The following DGKB variants were observed in gnomAD, a reference collection of about 807,000 sequenced individuals.
DGKB encodes the protein diacylglycerol kinase beta, also known as 90 kDa diacylglycerol kinase.
Under a neutral mutation model 114.3 loss-of-function variants are expected in DGKB, and 67 were observed. That is an observed-to-expected ratio of 0.59 (90% CI 0.48 to 0.72). The LOEUF (loss-of-function observed/expected upper bound fraction) is 0.72. Among genes scored for constraint, DGKB ranks in the 30% least tolerant of loss-of-function variants. The pLI is 0.00. For synonymous variants in DGKB, 398 were observed against 323.1 expected, an observed-to-expected ratio of 1.23 and a Z score of -2.49; for missense variants, 907 against 975.2, an observed-to-expected ratio of 0.93 and a Z score of 0.93.
At chr7:14,810,516 T>G (rs995884433) in intron 2 of DGKB, among the ~76,000 whole-genome samples, 2 of 152,232 alleles carry the variant, frequency 1.3e-5, no homozygotes, top group African/African-American at 4.8e-5. Context: ...TTTATTTTAT[T>G]CAATATACCC....
At chr7:14,549,558 T>C (rs752206070) in intron 20 of DGKB, among the ~76,000 whole-genome samples, 24 of 152,214 alleles carry the variant, frequency 1.6e-4, no homozygotes, top group Non-Finnish European at 1.3e-4. Context: ...TCAGAAATTC[T>C]GGTTCAGTAT....
chr7:14,734,020 CGTGT>C (rs71004332), intron 5 of DGKB, among the ~76,000 whole-genome samples: 94 of 148,266 alleles, frequency 6.3e-4, no homozygotes, highest in Admixed American at 1.8e-3. Flanking sequence ...TATACCAACA[CGTGT>C]GTGTGTGTGT....
intron 23 of DGKB, among the ~76,000 whole-genome samples, chr7:14,243,164 G>C (rs1793938403): frequency 6.6e-6 from 1 of 152,098 alleles, no homozygotes; most frequent in Admixed American, 6.6e-5. Flanking sequence ...AAAAAAAATA[G>C]AAAAGGGGAG....
In DGKB at chr7:14,628,985, T is replaced by G. The variant is rs897763679; in HGVS notation, c.1167+1251A>C. 3.3e-5 allele frequency among the ~76,000 whole-genome samples: 5 copies of G among 152,192 alleles called. No individual in the cohort carries two copies. In the East Asian group the frequency reaches 7.7e-4, roughly 24 times the overall value. Reference sequence around the variant, plus strand: ...CAAAAATTTGGATCTATTTACTCAATCTATATGACACAAATTATATAACTG... The same window carrying G: ...CAAAAATTTGGATCTATTTACTCAAGCTATATGACACAAATTATATAACTG... On this transcript the variant is annotated intron_variant, in intron 14 of 25. Coordinates refer to ENST00000402815, the MANE Select transcript of DGKB (RefSeq NM_001350709.2).
At chr7:14,210,432 G>A (rs1419078489) in intron 23 of DGKB, among the ~76,000 whole-genome samples, 3 of 152,088 alleles carry the variant, frequency 2.0e-5, no homozygotes, top group African/African-American at 7.2e-5. Context: ...ACATATCCAT[G>A]TGCACAATCT....
rs1384993684 is a variant in DGKB, at chr7:14,897,952, C to T, written c.-188+4640G>A. Among the ~76,000 whole-genome samples the T allele has an allele frequency of 5.3e-5, 8 of 151,948 alleles. No homozygotes were observed. In the East Asian group the frequency reaches 1.5e-3, roughly 29 times the overall value. ...TATTAAGCTCCAATATTATATTAGA[C>T]ACTGTGTTAAGCACTAAACTTCCAA... On this transcript the variant is annotated intron_variant, in intron 1 of 25. Transcript: ENST00000402815.
chr7:14,311,493 C>T (rs1402803058), intron 23 of DGKB, among the ~76,000 whole-genome samples: 1 of 152,072 alleles, frequency 6.6e-6, no homozygotes, highest in Non-Finnish European at 1.5e-5. Context: ...ATGTTCATGG[C>T]CCACTGCAGC....
chr7:14,710,505 A>G (rs1827183611), intron 6 of DGKB, among the ~76,000 whole-genome samples: 1 of 152,124 alleles, frequency 6.6e-6, no homozygotes, highest in Admixed American at 6.6e-5. Flanking sequence ...CCTTATTGCC[A>G]TGAGCAATGA....
intron 13 of DGKB, among the ~76,000 whole-genome samples, chr7:14,635,748 T>C (rs528256276): frequency 1.3e-5 from 2 of 151,568 alleles, no homozygotes; most frequent in South Asian, 4.1e-4. Context: ...AGTTGGTAAC[T>C]TGAAAAAATC....
chr7:14,359,243 G>A (rs527646037), intron 21 of DGKB, among the ~76,000 whole-genome samples: 7 of 152,210 alleles, frequency 4.6e-5, no homozygotes, highest in East Asian at 3.9e-4. Flanking sequence ...AATAAACGGC[G>A]CTGGGAAAAC....
At chr7:14,763,785 C>A (rs868148298) in intron 2 of DGKB, among the ~76,000 whole-genome samples, 4 of 151,976 alleles carry the variant, frequency 2.6e-5, no homozygotes, top group Non-Finnish European at 2.9e-5. Flanking sequence ...AAGCTAAGAC[C>A]CAACTTACAA....
chr7:14,207,270 G>A (rs1390600348), intron 23 of DGKB, among the ~76,000 whole-genome samples: 1 of 152,076 alleles, frequency 6.6e-6, no homozygotes, highest in Non-Finnish European at 1.5e-5. Context: ...GAGTCATCGT[G>A]TGTGGGATCT....
intron 21 of DGKB, among the ~76,000 whole-genome samples, chr7:14,357,750 G>A (rs867540304): frequency 1.3e-4 from 20 of 152,030 alleles, no homozygotes; most frequent in Middle Eastern, 3.2e-3. Flanking sequence ...GTTCCTTTCC[G>A]TGTTTAGTGC....
chr7:14,700,063 T>C (rs1824847431), intron 7 of DGKB, among the ~76,000 whole-genome samples: 1 of 152,140 alleles, frequency 6.6e-6, no homozygotes, highest in Admixed American at 6.5e-5. Context: ...ACAAGTGCTA[T>C]ACTAAGCATA....
intron 20 of DGKB, among the ~76,000 whole-genome samples, chr7:14,535,417 AAAG>A (rs1021113185): frequency 1.5e-4 from 23 of 151,824 alleles, no homozygotes; most frequent in East Asian, 5.8e-4. Context: ...GAAAAATTAA[AAAG>A]AAGAAGTATC....
chr7:14,876,217 C>T (rs537873462), intron 1 of DGKB, among the ~76,000 whole-genome samples: 57 of 152,208 alleles, frequency 3.7e-4, no homozygotes, highest in African/African-American at 1.1e-3. Flanking sequence ...AGTGACACAA[C>T]GACCCAAAAG....
At chr7:14,830,711 T>C (rs1337631354) in intron 2 of DGKB, among the ~76,000 whole-genome samples, 1 of 152,062 alleles carries the variant, frequency 6.6e-6, no homozygotes, top group African/African-American at 2.4e-5. Flanking sequence ...TATGACACCA[T>C]GTGGGATATC....
chr7:14,829,712 G>C (rs1460661903), intron 2 of DGKB, among the ~76,000 whole-genome samples: 1 of 152,112 alleles, frequency 6.6e-6, no homozygotes, highest in Non-Finnish European at 1.5e-5. Flanking sequence ...AAGGTAACAA[G>C]AGGAAAATTA....
intron 23 of DGKB, among the ~76,000 whole-genome samples, chr7:14,231,095 C>CTT (rs1328326120): frequency 5.9e-5 from 6 of 102,234 alleles, no homozygotes; most frequent in African/African-American, 2.4e-4. Flanking sequence ...TTCTTTCTTT[C>CTT]TTTCTTTCTT....
Sources: allele counts gnomAD v4.1 joint callset (sites outside exome capture counted in the v4.1 genomes callset), GRCh38; gene constraint gnomAD v4.1.1; transcripts MANE v1.5; gene names NCBI Gene and HGNC (gene_info 2026-07-23, HGNC 2026-07-21).